The following ZNF77 variants were observed in gnomAD, a reference collection of about 807,000 sequenced individuals.
ZNF77 encodes ZNFpT1.
Under a neutral mutation model 13.5 loss-of-function variants are expected in ZNF77, and 15 were observed. The ratio of observed to expected loss-of-function variants is 1.11; its 90% CI spans 0.74 to 1.71. The LOEUF (loss-of-function observed/expected upper bound fraction) is 1.71. Among genes scored for constraint, ZNF77 ranks in the 40% most tolerant of loss-of-function variants. ZNF77 has a pLI of 0.00. For synonymous variants in ZNF77, 282 were observed against 250.0 expected (o/e 1.13, Z -1.21); for missense variants, 717 against 676.4 (o/e 1.06, Z -0.67).
Position 2,934,687 on chromosome 19 carries a change from C to T in ZNF77, c.440G>A (p.Cys147Tyr). ...TEAKPSECTK[C>Y]GKAFENRQRS... is the part of the protein sequence containing the mutation. ...CTGCCGATTCTCGAAGGCTTTGCCA[C>T]ACTTAGTGCACTCAGAGGGTTTAGC... is the stretch of plus-strand genomic sequence containing the variant. The change falls in exon 4 of 4, where the codon TGT becomes TAT. Residue 147 changes from cysteine to tyrosine, a missense_variant. Coordinates refer to ENST00000314531, the MANE Select transcript of ZNF77 (RefSeq NM_021217.3). 1 of 1,614,172 alleles carries T rather than the reference C, an allele frequency of 6.2e-7. No individual in the cohort carries two copies. Among genetic ancestry groups the T allele is most frequent in the Non-Finnish European group, 8.5e-7 (1 of 1,180,040 alleles).
At chr19:2,941,030 C>T (rs1386606276) in intron 1 of ZNF77, among the ~76,000 whole-genome samples, 1 of 151,828 alleles carries the variant, frequency 6.6e-6, no homozygotes, top group Non-Finnish European at 1.5e-5. Flanking sequence ...CAAAAATTAG[C>T]CAGGCATGGT....
intron 1 of ZNF77, among the ~76,000 whole-genome samples, chr19:2,940,161 A>G (rs2088436696): frequency 6.6e-6 from 1 of 152,108 alleles, no homozygotes; most frequent in South Asian, 2.1e-4. Flanking sequence ...CTCTTAAAAA[A>G]AAAAATTAAA....
chr19:2,944,833 C>T lies in ZNF77; in HGVS notation c.3+5G>A. 1 of 1,524,548 alleles carries T rather than the reference C, an allele frequency of 6.6e-7. No individual in the cohort carries two copies. The highest frequency in any genetic ancestry group is 8.8e-7 in the Non-Finnish European group (1 of 1,142,358). 94.4% of individuals were successfully genotyped at this position (1,524,548 alleles called of 1,614,324 possible). On this transcript the variant is annotated splice_donor_5th_base_variant and intron_variant, in intron 1 of 3. Coordinates refer to ENST00000314531, the MANE Select transcript of ZNF77 (RefSeq NM_021217.3). ...GCCCGGGCTCGGCTCCCGCCCGGCA[C>T]TCACCATGTCCCGCCCGCTCCTGGG...
At position 2,933,553 on chromosome 19, in the gene ZNF77, C is replaced by T. The variant is rs776107780; in HGVS notation, c.1574G>A (p.Cys525Tyr). 2 of 1,609,838 alleles carry T rather than the reference C, an allele frequency of 1.2e-6. No homozygotes were observed. Among genetic ancestry groups the T allele is most frequent in the Non-Finnish European group, 1.7e-6 (2 of 1,177,028 alleles). The change falls in exon 4 of 4, where the codon TGT (cysteine) becomes TAT (tyrosine). Residue 525 changes from cysteine (C) to tyrosine (Y), a missense_variant. Coordinates refer to ENST00000314531, the MANE Select transcript of ZNF77 (RefSeq NM_021217.3). ...TGCGAGATACCTGAAGGTTTTCCCA[C>T]ACTGCTTGCATTCATACGGTCTCTC... ...TGERPYECKQ[C>Y]GKTFRYLASL...
At chr19:2,943,208 T>C (rs918950171) in intron 1 of ZNF77, among the ~76,000 whole-genome samples, 1 of 151,688 alleles carries the variant, frequency 6.6e-6, no homozygotes, top group African/African-American at 2.4e-5. Flanking sequence ...CTGTTGCTTA[T>C]ACCCCCACCC....
intron 2 of ZNF77, among the ~76,000 whole-genome samples, chr19:2,938,001 C>T (rs1036485156): frequency 1.3e-5 from 2 of 152,184 alleles, no homozygotes; most frequent in Non-Finnish European, 2.9e-5. Flanking sequence ...AGGTGAACCA[C>T]CCACCTAGGC....
Position 2,933,381 on chromosome 19 carries a change from T to G in ZNF77, c.*108A>C. 7.4e-7 allele frequency: 1 copy of G among 1,350,878 alleles called. No individual in the cohort carries two copies. Among genetic ancestry groups the G allele is most frequent in the Non-Finnish European group, 9.9e-7 (1 of 1,009,634 alleles). The allele number at this position is 1,350,878 out of a possible 1,614,324, so 83.7% of individuals were successfully genotyped here. ...CTACTCTGAATTTTTAGGTACAAAA[T>G]AAGTGCTATACCAGGTTTTCCTACA... On this transcript the variant is annotated 3_prime_UTR_variant, in exon 4 of 4. Transcript: ENST00000314531.
At position 2,934,452 on chromosome 19, in the gene ZNF77, T is replaced by C. The variant is rs752055763; in HGVS notation, c.675A>G (p.Ser225=). The stretch of plus-strand genomic sequence containing the variant: ...GACTATTCACATGTCCCCTGAAAGA[T>C]GAGGGACAAATGAAAGCTTTTCCAC... The part of the protein sequence containing the change: ...QKCGKAFICP[S]SFRGHVNSHH... Residue 225 remains serine, a synonymous_variant, in exon 4 of 4, where the codon TCA becomes TCG. Coordinates refer to ENST00000314531, the MANE Select transcript of ZNF77 (RefSeq NM_021217.3). 1 of 1,614,208 alleles carries C rather than the reference T, an allele frequency of 6.2e-7. No homozygotes were observed. Among genetic ancestry groups the C allele is most frequent in the Non-Finnish European group, 8.5e-7 (1 of 1,180,028 alleles).
chr19:2,934,407 A>G lies in ZNF77; in HGVS notation c.720T>C (p.His240=). The change falls in exon 4 of 4, where the codon CAT becomes CAC. Residue 240 remains histidine (H), a synonymous_variant. Transcript: ENST00000314531. ...HVNSHHGQKT[H]ACKVCGKTFM... is the part of the protein sequence containing the mutation. ...AGGTCTTCCCACATACTTTACATGC[A>G]TGGGTTTTCTGCCCATGATGACTAT... 1 of 1,614,236 alleles carries G rather than the reference A, an allele frequency of 6.2e-7. No homozygotes were observed. Among genetic ancestry groups the G allele is most frequent in the Non-Finnish European group, 8.5e-7 (1 of 1,180,040 alleles).
chr19:2,944,143 A>G (rs1482380241), intron 1 of ZNF77, among the ~76,000 whole-genome samples: 1 of 147,774 alleles, frequency 6.8e-6, no homozygotes, highest in African/African-American at 2.5e-5. Flanking sequence ...GACTGCCTCT[A>G]CTGTCCCCCA....
Position 2,933,517 on chromosome 19 carries a change from G to T in ZNF77, c.1610C>A (p.Ala537Glu). ...CGCTCCAGCATGTGTTCTCACATGT[G>T]CTTGAAGCGATGCGAGATACCTGAA... ...KTFRYLASLQ[A>E]HVRTHAGA The change falls in exon 4 of 4, where the codon GCA becomes GAA. Residue 537 changes from alanine (A) to glutamate (E), a missense_variant. Coordinates refer to ENST00000314531, the MANE Select transcript of ZNF77 (RefSeq NM_021217.3). 6.3e-7 allele frequency: 1 copy of T among 1,592,504 alleles called. No homozygotes were observed. The highest frequency in any genetic ancestry group is 8.6e-7 in the Non-Finnish European group (1 of 1,166,228).
chr19:2,939,228 G>A lies in ZNF77; in HGVS notation c.130+53C>T, dbSNP rs549517291. The A allele has an allele frequency of 2.8e-6, 4 of 1,421,820 alleles. No individual in the cohort carries two copies. The African/African-American group carries it at 6.3e-5, about 22-fold the overall frequency. 88.1% of individuals were successfully genotyped at this position (1,421,820 alleles called of 1,614,324 possible). A position where few individuals can be genotyped will look rare whatever the true frequency, so the allele number is the denominator to read the frequency against. On this transcript the variant is annotated intron_variant, in intron 2 of 3. Coordinates refer to ENST00000314531, the MANE Select transcript of ZNF77 (RefSeq NM_021217.3). ...ACCCTTACCCAAGGAGGCAGTGAGGGAATGACGCCACCCTTACCCAAGGAG... is the reference window on the plus strand; with the variant it reads ...ACCCTTACCCAAGGAGGCAGTGAGGAAATGACGCCACCCTTACCCAAGGAG...
intron 2 of ZNF77, among the ~76,000 whole-genome samples, chr19:2,938,797 C>A (rs576229917): frequency 0.02 from 3,026 of 151,772 alleles, 44 homozygotes; most frequent in Middle Eastern, 0.096. Flanking sequence ...TCTACTAAAG[C>A]TACAAAAAAT....
rs1205337661 is a variant in ZNF77 at position 2,934,061 on chromosome 19, C to T, written c.1066G>A (p.Glu356Lys). The change falls in exon 4 of 4, where the codon GAA becomes AAA. Residue 356 changes from glutamate (E) to lysine (K), a missense_variant. By Grantham distance (56) the Glu-to-Lys change is moderately conservative (BLOSUM62 1). Transcript: ENST00000314531. ...HSGEKPYECK[E>K]CGKAFRYPSS... ...GGGTACCTGAAGGCTTTGCCGCATT[C>T]CTTACATTCATAGGGTTTCTCTCCA... 3 of 1,613,824 alleles carry T rather than the reference C, an allele frequency of 1.9e-6. No homozygotes were observed. In the East Asian group the frequency reaches 6.7e-5, roughly 36 times the overall value.
chr19:2,940,737 C>G (rs556153495), intron 1 of ZNF77, among the ~76,000 whole-genome samples: 4 of 151,548 alleles, frequency 2.6e-5, no homozygotes, highest in Admixed American at 1.3e-4. Context: ...GAGAAGCCTA[C>G]CATTACACAT....
chr19:2,937,254 C>A (rs935581922), intron 2 of ZNF77, among the ~76,000 whole-genome samples: 2 of 151,992 alleles, frequency 1.3e-5, no homozygotes, highest in African/African-American at 4.8e-5. Flanking sequence ...GAGGCCGAAG[C>A]GGGTGGATCA....
chr19:2,933,555 C>A lies in ZNF77; in HGVS notation c.1572G>T (p.Gln524His). ...HTGERPYECKQCGKTFRYLAS... is the reference protein window; with the variant it reads ...HTGERPYECKHCGKTFRYLAS... ...CGAGATACCTGAAGGTTTTCCCACA[C>A]TGCTTGCATTCATACGGTCTCTCTC... Residue 524 changes from glutamine to histidine, a missense_variant, in exon 4 of 4, where the codon CAG (glutamine) becomes CAT (histidine). Transcript: ENST00000314531. 6.2e-7 allele frequency: 1 copy of A among 1,610,706 alleles called. No homozygotes were observed. The highest frequency in any genetic ancestry group is 1.3e-5 in the African/African-American group (1 of 75,008).
intron 1 of ZNF77, among the ~76,000 whole-genome samples, chr19:2,944,415 T>G (rs2088478305): frequency 7.1e-6 from 1 of 140,298 alleles, no homozygotes; most frequent in Admixed American, 7.5e-5. Context: ...TCCTGACCGC[T>G]GCTATTGGCC....
Position 2,933,819 on chromosome 19 carries a change from A to AC in ZNF77, c.1307_1308insG (p.Phe436LeufsTer2), listed in dbSNP as rs763989775. 7 of 1,613,228 alleles carry AC rather than the reference A, an allele frequency of 4.3e-6. No individual in the cohort carries two copies. The African/African-American group carries it at 9.3e-5, about 22-fold the overall frequency. On this transcript the variant is annotated frameshift_variant, in exon 4 of 4. Coordinates refer to ENST00000314531, the MANE Select transcript of ZNF77 (RefSeq NM_021217.3). LOFTEE classifies it low-confidence loss of function (END_TRUNC). ...AGGCTTTCCCACAATGCTTACACTC[A>AC]AAGGGCTTCTCTCCAGTATGCGTCC...
Sources: allele counts gnomAD v4.1 joint callset (sites outside exome capture counted in the v4.1 genomes callset), GRCh38; gene constraint gnomAD v4.1.1; transcripts MANE v1.5; gene names NCBI Gene and HGNC (gene_info 2026-07-23, HGNC 2026-07-21).